The following FTCD variants were observed in gnomAD, a reference collection of about 807,000 sequenced individuals.
The protein encoded by FTCD is formimidoyltransferase-cyclodeaminase.
A neutral mutation model predicts 62.9 loss-of-function variants in FTCD; 76 were observed. The ratio of observed to expected loss-of-function variants is 1.21; its 90% CI spans 1.00 to 1.46. The LOEUF (loss-of-function observed/expected upper bound fraction) is 1.46, where lower values mean the gene tolerates loss of function less well. Ranked by LOEUF, FTCD falls within the 40% of genes most tolerant of loss-of-function variation. The probability of loss-of-function intolerance (pLI) is 0.00; values close to 1 mark genes in which losing one functional copy is unlikely to be tolerated. For synonymous variants in FTCD, 397 were observed against 336.9 expected (o/e 1.18, Z -1.95); for missense variants, 845 against 751.3 (o/e 1.12, Z -1.46).
At chr21:46,141,505 A>C (rs937316973) in intron 10 of FTCD, among the ~76,000 whole-genome samples, 14 of 152,178 alleles carry the variant, frequency 9.2e-5, no homozygotes, top group Admixed American at 8.5e-4. Flanking sequence ...CCGGGTCTAA[A>C]GTTCATCAAC....
At chr21:46,141,057 A>G (rs779750781) in intron 10 of FTCD, among the ~76,000 whole-genome samples, 7 of 152,212 alleles carry the variant, frequency 4.6e-5, no homozygotes, top group Non-Finnish European at 1.0e-4. Context: ...TTACATTTTC[A>G]TCTATGTACT....
Position 46,137,343 on chromosome 21 carries a change from A to AC in FTCD, c.1444-10dup. 6.2e-7 allele frequency: 1 copy of AC among 1,606,676 alleles called. No individual in the cohort carries two copies. The highest frequency in any genetic ancestry group is 8.5e-7 in the Non-Finnish European group (1 of 1,174,050). ...AGGGCTTTGGCCGCCACCTGCAAGGACCCCAGGGAGCCCCTACATGGATCA... is the reference window on the plus strand; with the variant it reads ...AGGGCTTTGGCCGCCACCTGCAAGGACCCCCAGGGAGCCCCTACATGGATCA... On this transcript the variant is annotated splice_polypyrimidine_tract_variant and intron_variant, in intron 12 of 13. Coordinates refer to ENST00000397746, the MANE Select transcript of FTCD (RefSeq NM_206965.2).
intron 1 of FTCD, 43 bp downstream of exon 1, chr21:46,155,427 G>A: frequency 6.5e-7 from 1 of 1,526,882 alleles, no homozygotes; most frequent in Non-Finnish European, 9.1e-7. Flanking sequence ...CACTCAAGCT[G>A]CCCCATCAGC....
chr21:46,144,033 T>TA (rs942063583), intron 10 of FTCD, among the ~76,000 whole-genome samples: 3 of 151,966 alleles, frequency 2.0e-5, no homozygotes, highest in South Asian at 2.1e-4. Flanking sequence ...AAAAGAGGAT[T>TA]AAAAAAAATG....
intron 10 of FTCD, chr21:46,142,298 G>A (rs958003876): frequency 1.3e-5 from 2 of 151,584 alleles, no homozygotes; most frequent in Admixed American, 6.6e-5. Flanking sequence ...GTGGCGCGTC[G>A]GGAGCTGTTT....
intron 7 of FTCD, among the ~76,000 whole-genome samples, chr21:46,147,734 C>T (rs1249753904): frequency 6.6e-6 from 1 of 151,154 alleles, no homozygotes; most frequent in Admixed American, 6.6e-5. Context: ...GTCAGGAGTT[C>T]AAGACCAGCC....
chr21:46,137,459 C>T (rs2078896641), intron 12 of FTCD, 125 bp from the exon 13 acceptor site: 5 of 782,508 alleles, frequency 6.4e-6, no homozygotes, highest in Non-Finnish European at 1.1e-5. Context: ...GAGCCCAGCG[C>T]AGCCCCCGCT....
Position 46,145,829 on chromosome 21 carries a change from C to A in FTCD, c.1087G>T (p.Ala363Ser). The A allele has an allele frequency of 7.7e-7, 1 of 1,307,082 alleles. No homozygotes were observed. The highest frequency in any genetic ancestry group is 9.9e-7 in the Non-Finnish European group (1 of 1,011,922). The allele number at this position is 1,307,082 out of a possible 1,614,324, so 81.0% of individuals were successfully genotyped here. A position where few individuals can be genotyped will look rare whatever the true frequency, so the allele number is the denominator to read the frequency against. ...CCCCCCGCGCTCACCATGGCCGCAGCGGCCGCCGCCACCGAGCCGCCCCCG... is the reference window on the plus strand; with the variant it reads ...CCCCCCGCGCTCACCATGGCCGCAGAGGCCGCCGCCACCGAGCCGCCCCCG... ...APGGGSVAAAAAAMGAALGSM... is the reference protein window; with the variant it reads ...APGGGSVAAASAAMGAALGSM... Residue 363 changes from alanine (A) to serine (S), a missense_variant, in exon 9 of 14, where the codon GCT becomes TCT. Ala to Ser is a moderately conservative substitution (Grantham distance 99). Transcript: ENST00000397746.
intron 3 of FTCD, chr21:46,152,396 C>T (rs529650886): frequency 2.2e-4 from 46 of 205,640 alleles, no homozygotes; most frequent in Non-Finnish European, 3.6e-4. Flanking sequence ...GGATTTCCTT[C>T]GGGGGGACTG....
intron 10 of FTCD, among the ~76,000 whole-genome samples, chr21:46,141,724 A>G (rs943047228): frequency 1.3e-5 from 2 of 152,168 alleles, no homozygotes; most frequent in South Asian, 4.1e-4. Flanking sequence ...ATTAAAAAAA[A>G]AAAATACTAG....
At chr21:46,152,126 C>T in intron 3 of FTCD, 146 bp from the exon 4 acceptor site, 1 of 618,696 alleles carries the variant, frequency 1.6e-6, no homozygotes, top group South Asian at 2.0e-5. Context: ...CGTTCTCCGC[C>T]TTGGATGGAT....
rs758573990 is a variant in FTCD at position 46,137,093 on chromosome 21, A to AG, written c.1540-21dup. On this transcript the variant is annotated intron_variant, in intron 13 of 13. Coordinates refer to ENST00000397746, the MANE Select transcript of FTCD (RefSeq NM_206965.2). ...GTGGATCTGATGGACACAGGGAAAG[A>AG]GGGGTCTGGTAGTTCCAGTCTTCAG... The AG allele has an allele frequency of 6.2e-7, 1 of 1,613,548 alleles. No individual in the cohort carries two copies.
chr21:46,145,603 T>C (rs1324736791), intron 9 of FTCD, 25 bp from the exon 10 acceptor site: 1 of 1,517,622 alleles, frequency 6.6e-7, no homozygotes, highest in Non-Finnish European at 8.9e-7. Flanking sequence ...GATGTGGGGG[T>C]CGCAGGGACC....
chr21:46,145,978 G>T, intron 8 of FTCD, 31 bp from the exon 9 acceptor site: 2 of 1,359,996 alleles, frequency 1.5e-6, no homozygotes, highest in Non-Finnish European at 2.0e-6. Flanking sequence ...AGCGGGTCTG[G>T]CCGGGGTTGG....
At chr21:46,150,363 C>A (rs750940506) in intron 6 of FTCD, 25 bp downstream of exon 6, 1 of 1,612,384 alleles carries the variant, frequency 6.2e-7, no homozygotes, top group Non-Finnish European at 8.5e-7. Flanking sequence ...CCCCTCACAG[C>A]AGCAGCGGCT....
chr21:46,140,585 C>G (rs78230947), intron 10 of FTCD, among the ~76,000 whole-genome samples: 3 of 131,838 alleles, frequency 2.3e-5, no homozygotes, highest in Non-Finnish European at 3.3e-5. Flanking sequence ...ACGTGGCTCA[C>G]AGGGAGTGTA....
chr21:46,138,415 G>T, intron 12 of FTCD, 93 bp downstream of exon 12: 1 of 1,304,546 alleles, frequency 7.7e-7, no homozygotes, highest in African/African-American at 1.5e-5. Flanking sequence ...ACCTGGCTCA[G>T]CCCAGCCAAC....
rs776789123 is a variant in FTCD, at chr21:46,145,419, G to A, written c.1258C>T (p.Leu420=). The change falls in exon 10 of 14, where the codon CTG becomes TTG. Residue 420 remains leucine, a splice_region_variant and synonymous_variant. Coordinates refer to ENST00000397746, the MANE Select transcript of FTCD (RefSeq NM_206965.2). ...GCCCTGCTGTGGCCGCCACTCACCAGGTAGGCGGTGAAGGCCTCGGCGTCG... is the reference window on the plus strand; with the variant it reads ...GCCCTGCTGTGGCCGCCACTCACCAAGTAGGCGGTGAAGGCCTCGGCGTCG... ...DADAEAFTAY[L]EAMRLPKNTP... The A allele has an allele frequency of 7.1e-6, 11 of 1,548,502 alleles. No homozygotes were observed. Among genetic ancestry groups the A allele is most frequent in the Non-Finnish European group, 9.6e-6 (11 of 1,146,710 alleles).
intron 10 of FTCD, chr21:46,139,145 C>G (rs1433935246): frequency 1.7e-6 from 1 of 598,306 alleles, no homozygotes. Flanking sequence ...GTCAGAGACC[C>G]GGGGATGTGA....
Sources: gnomAD v4.1 joint callset for allele counts (sites outside exome capture counted in the v4.1 genomes callset) on GRCh38, gnomAD v4.1.1 for gene constraint, MANE v1.5 for transcripts, NCBI Gene and HGNC (gene_info 2026-07-23, HGNC 2026-07-21) for gene names.